Variants in KMT2D observed in about 807,000 individuals in gnomAD.
The protein encoded by KMT2D is histone-lysine N-methyltransferase 2D.
A neutral mutation model predicts 512.7 loss-of-function variants in KMT2D; 55 were observed. That is an observed-to-expected ratio of 0.11 (90% CI 0.09 to 0.13). The LOEUF (loss-of-function observed/expected upper bound fraction) is 0.13, where lower values mean the gene tolerates loss of function less well. Among genes scored for constraint, KMT2D ranks in the 10% least tolerant of loss-of-function variants. The pLI is 1.00. For missense variants in KMT2D, 6,061 were observed against 7,127.9 expected (o/e 0.85, Z 5.39); for synonymous variants, 2,995 against 2,904.0 (o/e 1.03, Z -1.01).
chr12:49,037,668 C>T lies in KMT2D; in HGVS notation c.9688G>A (p.Gly3230Arg), dbSNP rs749999492. 6.3e-7 allele frequency: 1 copy of T among 1,582,188 alleles called. No homozygotes were observed. The highest frequency in any genetic ancestry group is 8.6e-7 in the Non-Finnish European group (1 of 1,164,006). Residue 3230 changes from glycine to arginine, a missense_variant, in exon 35 of 55, where the codon GGG becomes AGG. Gly to Arg is a moderately radical substitution (Grantham distance 125). This residue lies in a region of KMT2D where 533 missense variants were observed against 539.6 expected (regional missense o/e 0.99). Transcript: ENST00000301067. ...CTCTCCATCTTGTCTAGCTCATCCCCAGATGCTGCAGGTCCACCAGGCAAG... is the reference window on the plus strand; with the variant it reads ...CTCTCCATCTTGTCTAGCTCATCCCTAGATGCTGCAGGTCCACCAGGCAAG... ...LTLPGGPAAS[G>R]DELDKMESSL...
chr12:49,047,896 G>A (rs879033425), intron 15 of KMT2D, 69 bp downstream of exon 15: 2 of 1,116,514 alleles, frequency 1.8e-6, no homozygotes, highest in Non-Finnish European at 2.7e-6. Context: ...GTATGGCCAG[G>A]ACAAGGAACT....
At position 49,027,316 on chromosome 12, in the gene KMT2D, G is replaced by A. The variant is rs1019876289; in HGVS notation, c.14650C>T (p.Pro4884Ser). 11 of 1,523,130 alleles carry A rather than the reference G, an allele frequency of 7.2e-6. No individual in the cohort carries two copies. The highest frequency in any genetic ancestry group is 1.3e-5 in the South Asian group (1 of 75,686). 94.4% of individuals were successfully genotyped at this position (1,523,130 alleles called of 1,614,324 possible). Reference sequence around the variant, plus strand: ...TGCTGAGTGGGTGGCTCTGGGGCGGGGCTCTCCTGTAGGAGGGTGCCCTGT... The same window carrying A: ...TGCTGAGTGGGTGGCTCTGGGGCGGAGCTCTCCTGTAGGAGGGTGCCCTGT... Reference protein sequence around the residue: ...DILSLLKQESPAPEPPTQHSY... With the variant: ...DILSLLKQESSAPEPPTQHSY... Residue 4884 changes from proline to serine, a missense_variant, in exon 49 of 55, where the codon CCC becomes TCC. This residue lies in a region of KMT2D where 1,600 missense variants were observed against 1,754.9 expected (regional missense o/e 0.91). Transcript: ENST00000301067.
At position 49,043,341 on chromosome 12, in the gene KMT2D, C is replaced by T. The variant is rs1207268955; in HGVS notation, c.5533+22G>A. The T allele has an allele frequency of 1.9e-6, 3 of 1,612,850 alleles. No individual in the cohort carries two copies. The African/African-American group carries it at 4.0e-5, about 22-fold the overall frequency. ...AGGCAAGCAAGGCCAAGACAGGACA[C>T]AGTAACCCCGGCAGCCCTCACCTGG... On this transcript the variant is annotated intron_variant, in intron 25 of 54. Transcript: ENST00000301067.
chr12:49,030,371 C>T lies in KMT2D; in HGVS notation c.13908G>A (p.Gln4636=). The change falls in exon 43 of 55, where the codon CAG becomes CAA. Residue 4636 remains glutamine, a synonymous_variant. Coordinates refer to ENST00000301067, the MANE Select transcript of KMT2D (RefSeq NM_003482.4). The stretch of plus-strand genomic sequence containing the variant: ...ATGGGGTGACGCCATTCACCATCTT[C>T]TGCTGCACCGATGGGGGTGGGGTGG... ...LPPTPPPSVQ[Q]KMVNGVTPSE... is the part of the protein sequence containing the mutation. 1 of 1,562,758 alleles carries T rather than the reference C, an allele frequency of 6.4e-7. No individual in the cohort carries two copies. Among genetic ancestry groups the T allele is most frequent in the Non-Finnish European group, 8.8e-7 (1 of 1,142,810 alleles).
intron 44 of KMT2D, 46 bp from the exon 45 acceptor site, chr12:49,029,282 C>T (rs2120395924): frequency 6.2e-7 from 1 of 1,600,222 alleles, no homozygotes; most frequent in Non-Finnish European, 8.6e-7. Flanking sequence ...CTGCAGACTC[C>T]CCTCCCAAAT....
chr12:49,039,290 G>A lies in KMT2D; in HGVS notation c.8298C>T (p.Phe2766=). ...LSGPILGPGS[F]PSDDRLSRPP... is the part of the protein sequence containing the mutation. ...GCCGGGAGAGTCGGTCATCGCTAGG[G>A]AAGGACCCTGGCCCCAGGATGGGGC... The change falls in exon 34 of 55, where the codon TTC becomes TTT. Residue 2766 remains phenylalanine, a synonymous_variant. Coordinates refer to ENST00000301067, the MANE Select transcript of KMT2D (RefSeq NM_003482.4). This position sits in a 1 kb window ranked among gnomAD's most constrained non-coding sequence, Gnocchi z 5.0. 6.2e-7 allele frequency: 1 copy of A among 1,613,774 alleles called. No individual in the cohort carries two copies. The highest frequency in any genetic ancestry group is 8.5e-7 in the Non-Finnish European group (1 of 1,179,882).
intron 51 of KMT2D, among the ~76,000 whole-genome samples, chr12:49,023,174 C>T (rs1592100067): frequency 6.6e-6 from 1 of 152,138 alleles, no homozygotes; most frequent in Non-Finnish European, 1.5e-5. Context: ...GCCTGTTCTC[C>T]CATCTCCCAC....
intron 54 of KMT2D, 24 bp from the exon 55 acceptor site, chr12:49,021,896 C>A: frequency 1.2e-6 from 2 of 1,601,396 alleles, no homozygotes; most frequent in Non-Finnish European, 1.7e-6. Flanking sequence ...AGGGCAGAAT[C>A]AATGCTAGTC....
intron 51 of KMT2D, among the ~76,000 whole-genome samples, chr12:49,023,208 C>T (rs1942411619): frequency 1.3e-5 from 2 of 152,320 alleles, no homozygotes; most frequent in South Asian, 4.1e-4. Flanking sequence ...CCTGCCAAAC[C>T]ATTCTCAAGG....
In KMT2D at chr12:49,051,803, G is replaced by A. The variant is rs764295994; in HGVS notation, c.1880C>T (p.Ser627Phe). ...LSPPPEASRL[S>F]PPPEDSPMSP... The stretch of plus-strand genomic sequence containing the variant: ...CATAGGCGAGTCCTCAGGTGGTGGG[G>A]ACAGGCGTGATGCCTCAGGTGGTGG... The change falls in exon 11 of 55, where the codon TCC becomes TTC. Residue 627 changes from serine to phenylalanine, a missense_variant. By Grantham distance (155) the Ser-to-Phe change is radical. Transcript: ENST00000301067. 5 of 1,613,024 alleles carry A rather than the reference G, an allele frequency of 3.1e-6. No homozygotes were observed. The highest frequency in any genetic ancestry group is 4.2e-6 in the Non-Finnish European group (5 of 1,179,280).
At position 49,046,218 on chromosome 12, in the gene KMT2D, G is replaced by A. The variant is rs2120602913; in HGVS notation, c.4583+42C>T. ...AGGAAATAAGCTCAGGCAATGCGAG[G>A]CTGGCAACAGGGCCAAAGTGAGGAG... On this transcript the variant is annotated intron_variant, in intron 17 of 54. Coordinates refer to ENST00000301067, the MANE Select transcript of KMT2D (RefSeq NM_003482.4). The surrounding 1 kb of genome is among the most constrained non-coding windows in gnomAD (Gnocchi z 4.2). 6.2e-7 allele frequency: 1 copy of A among 1,613,496 alleles called. No individual in the cohort carries two copies. The highest frequency in any genetic ancestry group is 8.5e-7 in the Non-Finnish European group (1 of 1,179,596).
Position 49,031,522 on chromosome 12 carries a change from C to A in KMT2D, c.13183G>T (p.Val4395Leu), listed in dbSNP as rs1467852277. 6.2e-7 allele frequency: 1 copy of A among 1,610,076 alleles called. No homozygotes were observed. Among genetic ancestry groups the A allele is most frequent in the Non-Finnish European group, 8.5e-7 (1 of 1,178,228 alleles). Residue 4395 changes from valine (V) to leucine (L), a missense_variant, in exon 40 of 55, where the codon GTA becomes TTA. Val to Leu is a conservative substitution (Grantham distance 32). This residue lies in a region of KMT2D where 1,600 missense variants were observed against 1,754.9 expected (regional missense o/e 0.91). Transcript: ENST00000301067. ...ETQKPEQSSL[V>L]PGHLDQVNGQ... ...TTCACCTGGTCCAGATGCCCAGGTA[C>A]CAGGCTGCTCTGCTCTGGCTTCTGG...
Position 49,051,558 on chromosome 12 carries a change from G to A in KMT2D, c.2125C>T (p.Pro709Ser), listed in dbSNP as rs759287768. The change falls in exon 11 of 55, where the codon CCA becomes TCA. Residue 709 changes from proline (P) to serine (S), a missense_variant. Physicochemically the swap from Pro to Ser is moderately conservative, Grantham distance 74. Transcript: ENST00000301067. Reference protein sequence around the residue: ...SPPPEDSPASPPPEDSLMSLP... With the variant: ...SPPPEDSPASSPPEDSLMSLP... The stretch of plus-strand genomic sequence containing the variant: ...GACATGAGCGAGTCCTCCGGTGGTG[G>A]GGAAGCAGGTGAGTCCTCAGGTGGT... 28 of 1,610,354 alleles carry A rather than the reference G, an allele frequency of 1.7e-5. No individual in the cohort carries two copies. The highest frequency in any genetic ancestry group is 2.4e-5 in the Non-Finnish European group (28 of 1,177,490).
At position 49,052,309 on chromosome 12, in the gene KMT2D, C is replaced by T. The variant is rs559603858; in HGVS notation, c.1374G>A (p.Thr458=). 20 of 1,583,016 alleles carry T rather than the reference C, an allele frequency of 1.3e-5. No individual in the cohort carries two copies. The highest frequency in any genetic ancestry group is 4.5e-5 in the East Asian group (2 of 44,532). ...PLSPPPEESP[T]SPPPEASRLS... ...GGCGTGATGCCTCAGGTGGTGGGGACGTGGGTGATTCCTCAGGTGGTGGGG... is the reference window on the plus strand; with the variant it reads ...GGCGTGATGCCTCAGGTGGTGGGGATGTGGGTGATTCCTCAGGTGGTGGGG... Residue 458 remains threonine, a synonymous_variant, in exon 11 of 55, where the codon ACG becomes ACA. Coordinates refer to ENST00000301067, the MANE Select transcript of KMT2D (RefSeq NM_003482.4).
At position 49,026,970 on chromosome 12, in the gene KMT2D, C is replaced by T. The variant is rs1382788744; in HGVS notation, c.14996G>A (p.Gly4999Asp). The change falls in exon 49 of 55, where the codon GGC becomes GAC. Residue 4999 changes from glycine to aspartate, a missense_variant. Physicochemically the swap from Gly to Asp is moderately conservative, Grantham distance 94. Coordinates refer to ENST00000301067, the MANE Select transcript of KMT2D (RefSeq NM_003482.4). This position sits in a 1 kb window ranked among gnomAD's most constrained non-coding sequence, Gnocchi z 9.6. Reference sequence around the variant, plus strand: ...CCGCTCATCCTCCTGCCGCCCACTGCCCTTCTGGATGGTCAGCAGCAGCCG... The same window carrying T: ...CCGCTCATCCTCCTGCCGCCCACTGTCCTTCTGGATGGTCAGCAGCAGCCG... ...RLRLLLTIQK[G>D]SGRQEDEREV... 3 of 1,614,044 alleles carry T rather than the reference C, an allele frequency of 1.9e-6. No homozygotes were observed. Among genetic ancestry groups the T allele is most frequent in the African/African-American group, 1.3e-5 (1 of 75,060 alleles).
chr12:49,029,879 T>C (rs1942812429), intron 43 of KMT2D, among the ~76,000 whole-genome samples: 1 of 152,150 alleles, frequency 6.6e-6, no homozygotes, highest in Admixed American at 6.5e-5. Context: ...ATTAAGTGAG[T>C]ACTACAATAG....
chr12:49,040,669 G>A lies in KMT2D; in HGVS notation c.7101C>T (p.Asp2367=), dbSNP rs1447675667. Residue 2367 remains aspartate, a synonymous_variant, in exon 32 of 55, where the codon GAC becomes GAT. Transcript: ENST00000301067. The stretch of plus-strand genomic sequence containing the variant: ...CAGTGTAGGAGCCAGGGCGAAAGAT[G>A]TCTGGGTGACTTGGAGGAGAAGGTG... ...ALAPSPPSHP[D]IFRPGSYTDP... is the part of the protein sequence containing the mutation. 2.5e-6 allele frequency: 4 copies of A among 1,613,836 alleles called. No homozygotes were observed. Among genetic ancestry groups the A allele is most frequent in the South Asian group, 2.2e-5 (2 of 91,088 alleles).
rs1026297009 is a variant in KMT2D at position 49,059,752 on chromosome 12, G to C, written c.-177C>G. The C allele has an allele frequency of 6.6e-6, 1 of 151,556 alleles. No individual in the cohort carries two copies. Among genetic ancestry groups the C allele is most frequent in the African/African-American group, 2.4e-5 (1 of 41,232 alleles). The allele number at this position is 151,556 out of a possible 1,614,324, so 9.4% of individuals were successfully genotyped here. Reference sequence around the variant, plus strand: ...GGGGGGCCAAGAACGGTAAATCCAGGTCGGAGTGGCCACCCTCCCCCCACA... The same window carrying C: ...GGGGGGCCAAGAACGGTAAATCCAGCTCGGAGTGGCCACCCTCCCCCCACA... On this transcript the variant is annotated 5_prime_UTR_variant, in exon 1 of 55. Transcript: ENST00000301067.
In KMT2D at chr12:49,046,029, T is replaced by C. The variant is rs372061627; in HGVS notation, c.4693+36A>G. 9.6e-5 allele frequency: 155 copies of C among 1,612,206 alleles called. No individual in the cohort carries two copies. The highest frequency in any genetic ancestry group is 1.2e-4 in the Non-Finnish European group (144 of 1,178,870). ...CTGTCCCAAAGCAAGGTACCCCTGC[T>C]CTGACTCCTCCCCCTACCCAGCAGC... is the stretch of plus-strand genomic sequence containing the variant. On this transcript the variant is annotated intron_variant, in intron 18 of 54. Transcript: ENST00000301067. This position sits in a 1 kb window ranked among gnomAD's most constrained non-coding sequence, Gnocchi z 4.2.
Sources: allele counts gnomAD v4.1 joint callset (sites outside exome capture counted in the v4.1 genomes callset), GRCh38; gene constraint gnomAD v4.1.1; regional missense constraint gnomAD v4.1.1; non-coding constraint Gnocchi (gnomAD v3.1); transcripts MANE v1.5; gene names NCBI Gene and HGNC (gene_info 2026-07-23, HGNC 2026-07-21).